Variants in LCLAT1 observed in about 807,000 individuals in gnomAD.
LCLAT1 encodes the protein 1-AGP acyltransferase 8.
Under a neutral mutation model 30.7 loss-of-function variants are expected in LCLAT1, and 11 were observed. The observed-to-expected ratio is 0.36, with a 90% CI of 0.23 to 0.59. The LOEUF (loss-of-function observed/expected upper bound fraction) is 0.59, where lower values mean the gene tolerates loss of function less well. LCLAT1 is among the 20% of genes least tolerant of loss of function. The pLI, the probability that LCLAT1 is intolerant of heterozygous loss-of-function variation, is 0.77. For synonymous variants in LCLAT1, 155 were observed against 151.3 expected (o/e 1.02, Z -0.18); for missense variants, 402 against 458.6 (o/e 0.88, Z 1.13).
At chr2:30,555,157 G>T (rs982222827) in intron 3 of LCLAT1, among the ~76,000 whole-genome samples, 2 of 152,046 alleles carry the variant, frequency 1.3e-5, no homozygotes, top group African/African-American at 4.8e-5. Flanking sequence ...GTACAAATTT[G>T]TATAGCTAGA....
chr2:30,568,278 G>T, intron 5 of LCLAT1, 102 bp downstream of exon 5: 1 of 579,952 alleles, frequency 1.7e-6, no homozygotes, highest in Non-Finnish European at 3.1e-6. Flanking sequence ...TTACTACTTT[G>T]TCTCAAGAAA....
intron 1 of LCLAT1, among the ~76,000 whole-genome samples, chr2:30,489,679 A>G (rs1054939863): frequency 6.6e-6 from 1 of 152,224 alleles, no homozygotes; most frequent in Non-Finnish European, 1.5e-5. Context: ...TAGGCAAGAT[A>G]AGGTGGGGAA....
intron 3 of LCLAT1, among the ~76,000 whole-genome samples, chr2:30,538,971 T>C (rs1329666230): frequency 4.6e-5 from 7 of 151,526 alleles, no homozygotes; most frequent in Non-Finnish European, 1.0e-4. Context: ...TCTTTTTTTT[T>C]TTTTTTGAGA....
intron 1 of LCLAT1, among the ~76,000 whole-genome samples, chr2:30,452,514 A>G (rs530373780): frequency 3.9e-5 from 6 of 152,194 alleles, no homozygotes; most frequent in African/African-American, 1.4e-4. Flanking sequence ...CCACATATTC[A>G]TTAGTTTTTG....
intron 5 of LCLAT1, among the ~76,000 whole-genome samples, chr2:30,637,865 A>G (rs1026913292): frequency 3.9e-5 from 6 of 152,156 alleles, no homozygotes; most frequent in African/African-American, 1.2e-4. Context: ...GGTGTGAGCC[A>G]CCGCACCCAG....
At chr2:30,577,309 C>G (rs1666038523) in intron 5 of LCLAT1, among the ~76,000 whole-genome samples, 2 of 151,936 alleles carry the variant, frequency 1.3e-5, no homozygotes, top group Non-Finnish European at 2.9e-5. Flanking sequence ...AAATCAGCAG[C>G]CTTCCCCTAA....
At chr2:30,633,505 G>T (rs1315876581) in intron 5 of LCLAT1, among the ~76,000 whole-genome samples, 1 of 152,042 alleles carries the variant, frequency 6.6e-6, no homozygotes, top group East Asian at 1.9e-4. Context: ...TGGCCAACAT[G>T]GTAAAACTCA....
chr2:30,552,369 T>C (rs1329143292), intron 3 of LCLAT1: 1 of 306,988 alleles, frequency 3.3e-6, no homozygotes, highest in South Asian at 2.7e-5. Context: ...AAGTGGTTTC[T>C]CCATTTTTCT....
intron 1 of LCLAT1, among the ~76,000 whole-genome samples, chr2:30,484,144 C>T: frequency 6.6e-6 from 1 of 152,162 alleles, no homozygotes; most frequent in Non-Finnish European, 1.5e-5. Flanking sequence ...GATGGCCCTG[C>T]TTGCTGATCC....
At chr2:30,508,173 G>A (rs1044462721) in intron 1 of LCLAT1, among the ~76,000 whole-genome samples, 14 of 151,936 alleles carry the variant, frequency 9.2e-5, no homozygotes, top group African/African-American at 3.4e-4. Flanking sequence ...TATAGATGCT[G>A]GATATTAGAC....
At chr2:30,509,988 C>T (rs1166536458) in intron 1 of LCLAT1, among the ~76,000 whole-genome samples, 1 of 152,124 alleles carries the variant, frequency 6.6e-6, no homozygotes, top group Admixed American at 6.5e-5. Flanking sequence ...AGGATTTGTG[C>T]CAGGTTCACC....
At chr2:30,542,934 T>C (rs926832239) in intron 3 of LCLAT1, among the ~76,000 whole-genome samples, 5 of 151,156 alleles carry the variant, frequency 3.3e-5, no homozygotes, top group African/African-American at 7.3e-5. Context: ...ATTTTAATTT[T>C]AATATTCGAC....
At chr2:30,452,891 C>T (rs1186487269) in intron 1 of LCLAT1, among the ~76,000 whole-genome samples, 1 of 151,998 alleles carries the variant, frequency 6.6e-6, no homozygotes, top group Admixed American at 6.5e-5. Flanking sequence ...GCAGTAGGGC[C>T]ATAGGGATCC....
intron 1 of LCLAT1, among the ~76,000 whole-genome samples, chr2:30,508,127 T>C (rs995255433): frequency 6.6e-6 from 1 of 152,166 alleles, no homozygotes; most frequent in African/African-American, 2.4e-5. Flanking sequence ...TTTGCGCACT[T>C]TTTAATGGGT....
chr2:30,603,663 A>G (rs1667292850), intron 5 of LCLAT1, among the ~76,000 whole-genome samples: 1 of 152,172 alleles, frequency 6.6e-6, no homozygotes, highest in Admixed American at 6.6e-5. Flanking sequence ...TTTAGGAAAC[A>G]AGGAAAACAA....
At chr2:30,611,169 CTTTTATAGTCT>C (rs1211044997) in intron 5 of LCLAT1, among the ~76,000 whole-genome samples, 121 of 147,804 alleles carry the variant, frequency 8.2e-4, no homozygotes, top group African/African-American at 3.0e-3. Context: ...CTTTTTGGTC[CTTTTATAGTCT>C]TTCCTGCTTC....
In LCLAT1 at chr2:30,459,666, C is replaced by A. The variant is rs745751696; in HGVS notation, c.-5+12283C>A. 42 of 1,613,960 alleles carry A rather than the reference C, an allele frequency of 2.6e-5. No homozygotes were observed. In the Admixed American group the frequency reaches 6.8e-4, roughly 26 times the overall value. On this transcript the variant is annotated intron_variant, in intron 1 of 5. Transcript: ENST00000379509. ...TGCTTCTGAACCCATGGTCAATTAA[C>A]GAGGCAGTTTCTAGCTACTGCACGT...
At chr2:30,616,007 G>A (rs1389498867) in intron 5 of LCLAT1, among the ~76,000 whole-genome samples, 2 of 152,158 alleles carry the variant, frequency 1.3e-5, no homozygotes, top group African/African-American at 4.8e-5. Flanking sequence ...AGGGAGAGTT[G>A]TGGTCTCCAC....
intron 1 of LCLAT1, among the ~76,000 whole-genome samples, chr2:30,458,983 A>G (rs1198709337): frequency 1.3e-5 from 2 of 152,208 alleles, no homozygotes; most frequent in South Asian, 2.1e-4. Context: ...AACAAAAGCA[A>G]GAGTTTCTCT....
Sources: allele counts gnomAD v4.1 joint callset (sites outside exome capture counted in the v4.1 genomes callset), GRCh38; gene constraint gnomAD v4.1.1; transcripts MANE v1.5; gene names NCBI Gene and HGNC (gene_info 2026-07-23, HGNC 2026-07-21).